ANO1: variants seen among roughly 807,000 people sequenced by gnomAD.
ANO1 encodes anoctamin-1.
ANO1 carries 59 observed loss-of-function variants against 124.0 expected under a neutral mutation model. That is an observed-to-expected ratio of 0.48 (90% confidence interval 0.39 to 0.59). The LOEUF is 0.59. ANO1 is among the 20% of genes least tolerant of loss of function. The pLI is 0.00. For synonymous variants in ANO1, 529 were observed against 532.0 expected (o/e 0.99, Z 0.08); for missense variants, 1,059 against 1,328.0 (o/e 0.80, Z 3.15).
At position 70,156,964 on chromosome 11, in the gene ANO1, G is replaced by A; in HGVS notation, c.1521G>A (p.Leu507=). The change falls in exon 16 of 26, where the codon CTG becomes CTA. Residue 507 remains leucine, a synonymous_variant. Coordinates refer to ENST00000355303, the MANE Select transcript of ANO1 (RefSeq NM_018043.7). ...TGTTGTAGACTGACAAAGTGAAGCT[G>A]ACATGGAGAGATCGGTTCCCAGCCT... is the stretch of plus-strand genomic sequence containing the variant. ...AGVKLTDKVK[L]TWRDRFPAYL... The A allele has an allele frequency of 3.1e-6, 5 of 1,613,704 alleles. No homozygotes were observed. The South Asian group carries it at 4.4e-5, about 14-fold the overall frequency.
intron 1 of ANO1, among the ~76,000 whole-genome samples, chr11:70,002,782 C>T (rs1295086384): frequency 7.2e-5 from 11 of 152,194 alleles, no homozygotes; most frequent in Non-Finnish European, 2.9e-5. Context: ...CTGTTGGAAA[C>T]GGCCAACAAC....
chr11:70,131,884 A>G (rs377390233), intron 10 of ANO1, 35 bp from the exon 11 acceptor site: 1 of 1,585,248 alleles, frequency 6.3e-7, no homozygotes, highest in Non-Finnish European at 8.5e-7. Context: ...TCATGGCCCA[A>G]CAAGGTGACT....
At chr11:70,065,092 A>G (rs1368402100) in intron 1 of ANO1, 2 of 152,230 alleles carry the variant, frequency 1.3e-5, no homozygotes, top group African/African-American at 4.8e-5. Context: ...TTGGCTGGGC[A>G]AGGCAAGAAT....
intron 25 of ANO1, among the ~76,000 whole-genome samples, chr11:70,187,186 G>T (rs187426766): frequency 6.6e-6 from 1 of 152,352 alleles, no homozygotes; most frequent in Admixed American, 6.5e-5. Context: ...CACCAGCACC[G>T]CCCGTGGCGG....
At chr11:70,103,713 G>T (rs113376985) in intron 3 of ANO1, among the ~76,000 whole-genome samples, 2,223 of 152,220 alleles carry the variant, frequency 0.015, 21 homozygotes, top group Admixed American at 0.028. Flanking sequence ...TGCTTCTCGC[G>T]TCCTCAGAGA....
chr11:70,163,525 G>A lies in ANO1; in HGVS notation c.1950+185G>A. On this transcript the variant is annotated intron_variant, in intron 19 of 25. Coordinates refer to ENST00000355303, the MANE Select transcript of ANO1 (RefSeq NM_018043.7). ...GGGGTGGGCTTTAATCTTATCTGGTGTGTTCATATAGAATCACCTAGAAGG... is the reference window on the plus strand; with the variant it reads ...GGGGTGGGCTTTAATCTTATCTGGTATGTTCATATAGAATCACCTAGAAGG... The A allele has an allele frequency of 4.2e-6, 3 of 712,174 alleles. No individual in the cohort carries two copies. The South Asian group carries it at 4.7e-5, about 11-fold the overall frequency. The allele number at this position is 712,174 out of a possible 1,614,324, so 44.1% of individuals were successfully genotyped here.
rs2509160 is a variant in ANO1, at chr11:70,124,306, G to C, written c.898-44G>C. The C allele has an allele frequency of 5.6e-6, 9 of 1,597,834 alleles. No individual in the cohort carries two copies. In the African/African-American group the frequency reaches 1.2e-4, roughly 21 times the overall value. Reference sequence around the variant, plus strand: ...GCTCTGCGTTCCGGGGAGCAACCTCGGAGTGCCACATTGTCACCAACCCCA... The same window carrying C: ...GCTCTGCGTTCCGGGGAGCAACCTCCGAGTGCCACATTGTCACCAACCCCA... On this transcript the variant is annotated intron_variant, in intron 8 of 25. Transcript: ENST00000355303.
At chr11:69,975,393 G>T in the ANO1 span, among the ~76,000 whole-genome samples, 3,533 of 152,306 alleles carry the variant, frequency 0.023, 212 homozygotes, top group East Asian at 0.22. Context: ...CCCCAGAGGA[G>T]AGCTGCCCGT....
chr11:70,165,064 T>G (rs1467837839), intron 19 of ANO1, among the ~76,000 whole-genome samples: 1 of 152,152 alleles, frequency 6.6e-6, no homozygotes, highest in Non-Finnish European at 1.5e-5. Flanking sequence ...TTAGCCGGGC[T>G]GTGTTCCCTT....
chr11:70,010,601 G>A (rs1856584660), intron 1 of ANO1, among the ~76,000 whole-genome samples: 1 of 152,124 alleles, frequency 6.6e-6, no homozygotes, highest in Admixed American at 6.5e-5. Context: ...TATACAGGAA[G>A]CTGCACAAAG....
chr11:70,161,140 G>A, intron 16 of ANO1, 21 bp from the exon 17 acceptor site: 5 of 1,607,274 alleles, frequency 3.1e-6, no homozygotes, highest in Non-Finnish European at 4.2e-6. Flanking sequence ...CCAACCAAGA[G>A]TGCCCCTTTC....
chr11:70,080,813 G>A (rs1044603307), intron 1 of ANO1, among the ~76,000 whole-genome samples: 1 of 152,222 alleles, frequency 6.6e-6, no homozygotes, highest in African/African-American at 2.4e-5. Flanking sequence ...CCTGGGAGCA[G>A]CATCTGCCGG....
At chr11:69,977,236 C>T in the ANO1 span, among the ~76,000 whole-genome samples, 1 of 152,238 alleles carries the variant, frequency 6.6e-6, no homozygotes. Context: ...GAGTCCGGTT[C>T]TGTGTGCACG....
rs553056788 is a variant in ANO1, at chr11:70,024,437, C to A, written c.58+38271C>A. 4.6e-5 allele frequency among the ~76,000 whole-genome samples: 7 copies of A among 152,318 alleles called. No homozygotes were observed. The South Asian group carries it at 1.4e-3, about 32-fold the overall frequency. The stretch of plus-strand genomic sequence containing the variant: ...GTGCCGGGCAGAAGACATTCGCCCG[C>A]TAGACCTGCTTCCCCTGCAGAGAAT... On this transcript the variant is annotated intron_variant, in intron 1 of 27. Coordinates refer to the ANO1 transcript ENST00000531349.
At chr11:70,174,577 A>G (rs1432095303) in intron 22 of ANO1, among the ~76,000 whole-genome samples, 2 of 152,066 alleles carry the variant, frequency 1.3e-5, no homozygotes, top group African/African-American at 4.8e-5. Context: ...TGCCTCCAAC[A>G]TGAACTTTCC....
chr11:70,095,067 G>C (rs11600973), intron 2 of ANO1, among the ~76,000 whole-genome samples: 1 of 151,858 alleles, frequency 6.6e-6, no homozygotes, highest in African/African-American at 2.4e-5. Flanking sequence ...TTAGCCGGGC[G>C]TGGTGGCTGG....
chr11:70,092,624 G>A (rs1286405314), intron 2 of ANO1, among the ~76,000 whole-genome samples: 4 of 152,188 alleles, frequency 2.6e-5, no homozygotes, highest in African/African-American at 7.2e-5. Flanking sequence ...TGAGGCTCTG[G>A]TCCTTCCCAG....
intron 9 of ANO1, among the ~76,000 whole-genome samples, chr11:70,125,403 C>G (rs928104978): frequency 4.0e-5 from 6 of 151,044 alleles, no homozygotes; most frequent in Non-Finnish European, 8.8e-5. Context: ...GTAGTCCCAG[C>G]TACTCAGGAG....
chr11:70,068,964 C>G (rs1857800035), intron 1 of ANO1, among the ~76,000 whole-genome samples: 1 of 152,196 alleles, frequency 6.6e-6, no homozygotes, highest in South Asian at 2.1e-4. Context: ...ACCAGGGGGG[C>G]CCAGGCCCAT....
Sources: allele counts gnomAD v4.1 joint callset (sites outside exome capture counted in the v4.1 genomes callset), GRCh38; gene constraint gnomAD v4.1.1; transcripts MANE v1.5; gene names NCBI Gene and HGNC (gene_info 2026-07-23, HGNC 2026-07-21).